The following EMP1 variants were observed in gnomAD, a reference collection of about 807,000 sequenced individuals.
EMP1 encodes epithelial membrane protein 1.
In EMP1, 5 loss-of-function variants were observed where a neutral mutation model predicts 15.7. The ratio of observed to expected loss-of-function variants is 0.32; its 90% CI spans 0.17 to 0.67. The LOEUF (loss-of-function observed/expected upper bound fraction) is 0.67, where lower values mean the gene tolerates loss of function less well. Ranked by LOEUF, EMP1 falls within the 30% of genes least tolerant of loss-of-function variation. EMP1 has a pLI of 0.74. For missense variants in EMP1, 166 were observed against 194.2 expected (o/e 0.85, Z 0.86); for synonymous variants, 78 against 76.7 (o/e 1.02, Z -0.09).
At chr12:13,206,854 G>A (rs1864114500) in intron 1 of EMP1, among the ~76,000 whole-genome samples, 1 of 152,128 alleles carries the variant, frequency 6.6e-6, no homozygotes, top group Non-Finnish European at 1.5e-5. Flanking sequence ...CCCTAAAAGT[G>A]TTAGGCTGCC....
In EMP1 at chr12:13,214,635, T is replaced by C. The variant is rs1864197260; in HGVS notation, c.418T>C (p.Cys140Arg). 1.2e-6 allele frequency: 2 copies of C among 1,613,836 alleles called. No homozygotes were observed. Among genetic ancestry groups the C allele is most frequent in the African/African-American group, 2.7e-5 (2 of 74,810 alleles). ...HGYSYILGWICFCFSFIIGVL... is the reference protein window; with the variant it reads ...HGYSYILGWIRFCFSFIIGVL... ...CTATTCCTACATCCTGGGCTGGATC[T>C]GCTTCTGCTTCAGCTTCATCATCGG... Residue 140 changes from cysteine (C) to arginine (R), a missense_variant, in exon 5 of 5, where the codon TGC becomes CGC. Cys to Arg is a radical substitution (Grantham distance 180, BLOSUM62 -3). Coordinates refer to ENST00000256951, the MANE Select transcript of EMP1 (RefSeq NM_001423.3).
chr12:13,214,059 T>C, intron 4 of EMP1: 1 of 687,486 alleles, frequency 1.5e-6, no homozygotes, highest in Non-Finnish European at 2.6e-6. Flanking sequence ...AGTGCATATC[T>C]GTTAGTAGCA....
intron 1 of EMP1, among the ~76,000 whole-genome samples, chr12:13,203,333 C>T (rs1355807208): frequency 6.6e-6 from 1 of 152,238 alleles, no homozygotes; most frequent in African/African-American, 2.4e-5. Context: ...GCCCAGGGAA[C>T]ATCGCCTGAT....
At position 13,211,543 on chromosome 12, in the gene EMP1, C is replaced by T. The variant is rs2291061; in HGVS notation, c.33C>T (p.Val11=). 2,108 of 1,612,748 alleles carry T rather than the reference C, an allele frequency of 1.3e-3. 3 individuals are homozygous for T. The highest frequency in any genetic ancestry group is 6.0e-3 in the East Asian group (271 of 44,864). ...TATTGCTGGCTGGTATCTTTGTGGT[C>T]CACATCGCTACTGTTATTATGCTAT... The part of the protein sequence containing the change: MLVLLAGIFV[V]HIATVIMLFV... The change falls in exon 2 of 5, where the codon GTC becomes GTT. Residue 11 remains valine (V), a synonymous_variant. Coordinates refer to ENST00000256951, the MANE Select transcript of EMP1 (RefSeq NM_001423.3). The surrounding 1 kb of genome is among the most constrained non-coding windows in gnomAD (Gnocchi z 4.7).
chr12:13,213,347 C>G (rs555369760), intron 2 of EMP1, 132 bp from the exon 3 acceptor site: 2 of 792,930 alleles, frequency 2.5e-6, no homozygotes, highest in Admixed American at 5.0e-5. Context: ...CACAGATAAG[C>G]TGCATAGCCA....
At position 13,219,858 on chromosome 12, in the gene EMP1, C is replaced by G. The variant is rs1312290274; in HGVS notation, c.*5167C>G. On this transcript the variant is annotated 3_prime_UTR_variant, in exon 5 of 5. Coordinates refer to ENST00000256951, the MANE Select transcript of EMP1 (RefSeq NM_001423.3). ...ATTTTTCCATACGAAAAATTCAGAA[C>G]TATTTTATTTATGATATGGGCTAAA... 6.6e-6 allele frequency: 1 copy of G among 152,136 alleles called. No homozygotes were observed. The highest frequency in any genetic ancestry group is 6.5e-5 in the Admixed American group (1 of 15,268). The allele number at this position is 152,136 out of a possible 1,614,324, so 9.4% of individuals were successfully genotyped here.
At chr12:13,199,639 A>G (rs2121141668) in intron 1 of EMP1, 1 of 152,268 alleles carries the variant, frequency 6.6e-6, no homozygotes, top group East Asian at 1.9e-4. Context: ...TCTAATTTTT[A>G]CACCATCTTG....
rs902944955 is a variant in EMP1 at position 13,217,958 on chromosome 12, T to A, written c.*3267T>A. 1.3e-5 allele frequency: 2 copies of A among 152,174 alleles called. No homozygotes were observed. Among genetic ancestry groups the A allele is most frequent in the African/African-American group, 4.8e-5 (2 of 41,432 alleles). 9.4% of individuals were successfully genotyped at this position (152,174 alleles called of 1,614,324 possible). A position where few individuals can be genotyped will look rare whatever the true frequency, so the allele number is the denominator to read the frequency against. On this transcript the variant is annotated 3_prime_UTR_variant, in exon 5 of 5. Transcript: ENST00000256951. The stretch of plus-strand genomic sequence containing the variant: ...CTGAAAGTTGCCAGAGTCCCTTTTA[T>A]AGAGAAGCTTAAAAAATATTTGTTG...
At position 13,219,674 on chromosome 12, in the gene EMP1, T is replaced by C. The variant is rs754916296; in HGVS notation, c.*4983T>C. On this transcript the variant is annotated 3_prime_UTR_variant, in exon 5 of 5. Coordinates refer to ENST00000256951, the MANE Select transcript of EMP1 (RefSeq NM_001423.3). ...AACAAAGTGAGCCCTGATTCAAAAA[T>C]GACTGTCTACACTTGGCACATGAGG... 2 of 152,166 alleles carry C rather than the reference T, an allele frequency of 1.3e-5. No individual in the cohort carries two copies. Among genetic ancestry groups the C allele is most frequent in the African/African-American group, 2.4e-5 (1 of 41,444 alleles). The allele number at this position is 152,166 out of a possible 1,614,324, so 9.4% of individuals were successfully genotyped here.
chr12:13,214,588 A>C lies in EMP1; in HGVS notation c.371A>C (p.Asp124Ala). ...SIYTSHYANRDGTQYHHGYSY... is the reference protein window; with the variant it reads ...SIYTSHYANRAGTQYHHGYSY... ...TACACTAGTCATTATGCGAATCGTG[A>C]TGGAACGCAGTATCACCACGGCTAT... The change falls in exon 5 of 5, where the codon GAT becomes GCT. Residue 124 changes from aspartate (D) to alanine (A), a missense_variant. Transcript: ENST00000256951. The C allele has an allele frequency of 6.2e-7, 1 of 1,613,886 alleles. No individual in the cohort carries two copies. The highest frequency in any genetic ancestry group is 2.2e-5 in the East Asian group (1 of 44,864).
At chr12:13,204,622 G>T (rs777467600) in intron 1 of EMP1, among the ~76,000 whole-genome samples, 6 of 152,330 alleles carry the variant, frequency 3.9e-5, no homozygotes, top group Non-Finnish European at 7.3e-5. Context: ...GGAGTTTCAG[G>T]TGTCACGCTG....
At chr12:13,205,209 A>G (rs887814142) in intron 1 of EMP1, among the ~76,000 whole-genome samples, 2 of 152,266 alleles carry the variant, frequency 1.3e-5, no homozygotes, top group African/African-American at 4.8e-5. Flanking sequence ...CTGAGATTCT[A>G]TAATTCAAAG....
At position 13,215,742 on chromosome 12, in the gene EMP1, G is replaced by A. The variant is rs755741828; in HGVS notation, c.*1051G>A. On this transcript the variant is annotated 3_prime_UTR_variant, in exon 5 of 5. Transcript: ENST00000256951. ...AGCTCTGGCTTAGACACCACCTGGA[G>A]TGATCACCTCTTGGGGACCCTGCCT... 2.6e-5 allele frequency: 4 copies of A among 153,016 alleles called. No individual in the cohort carries two copies. The highest frequency in any genetic ancestry group is 5.8e-5 in the Non-Finnish European group (4 of 68,390). The allele number at this position is 153,016 out of a possible 1,614,324, so 9.5% of individuals were successfully genotyped here. A position where few individuals can be genotyped will look rare whatever the true frequency, so the allele number is the denominator to read the frequency against.
At chr12:13,203,280 A>C (rs947848608) in intron 1 of EMP1, among the ~76,000 whole-genome samples, 22 of 152,066 alleles carry the variant, frequency 1.4e-4, no homozygotes, top group African/African-American at 4.8e-4. Flanking sequence ...CTGCCAGAAC[A>C]CTCGTTTGTC....
Position 13,211,517 on chromosome 12 carries a change from G to A in EMP1, c.7G>A (p.Val3Ile), listed in dbSNP as rs1864164388. The A allele has an allele frequency of 6.2e-7, 1 of 1,613,188 alleles. No individual in the cohort carries two copies. The highest frequency in any genetic ancestry group is 1.3e-5 in the African/African-American group (1 of 74,844). Residue 3 changes from valine to isoleucine, a missense_variant, in exon 2 of 5, where the codon GTA becomes ATA. Physicochemically the swap from Val to Ile is conservative, Grantham distance 29. Transcript: ENST00000256951. This position sits in a 1 kb window ranked among gnomAD's most constrained non-coding sequence, Gnocchi z 4.7. Reference sequence around the variant, plus strand: ...CAAAAAAAAAAGAGCCAACATGTTGGTATTGCTGGCTGGTATCTTTGTGGT... The same window carrying A: ...CAAAAAAAAAAGAGCCAACATGTTGATATTGCTGGCTGGTATCTTTGTGGT... ML[V>I]LLAGIFVVHI... is the part of the protein sequence containing the mutation.
Position 13,213,784 on chromosome 12 carries a change from C to T in EMP1, c.279C>T (p.Asn93=), listed in dbSNP as rs565284070. 1.6e-5 allele frequency: 26 copies of T among 1,614,170 alleles called. No homozygotes were observed. Among genetic ancestry groups the T allele is most frequent in the South Asian group, 1.5e-4 (14 of 91,074 alleles). The change falls in exon 4 of 5, where the codon AAC becomes AAT. Residue 93 remains asparagine, a synonymous_variant. Coordinates refer to ENST00000256951, the MANE Select transcript of EMP1 (RefSeq NM_001423.3). ...AGCTCTTCACCATGGAGAAGGGAAA[C>T]CGGTTCTTCCTCTCAGGGGCCACCA... is the stretch of plus-strand genomic sequence containing the variant. The part of the protein sequence containing the change: ...VFQLFTMEKG[N]RFFLSGATTL...
In EMP1 at chr12:13,217,928, C is replaced by T. The variant is rs1286170001; in HGVS notation, c.*3237C>T. On this transcript the variant is annotated 3_prime_UTR_variant, in exon 5 of 5. Coordinates refer to ENST00000256951, the MANE Select transcript of EMP1 (RefSeq NM_001423.3). Reference sequence around the variant, plus strand: ...CCAGCAGAGAGCTGGTGCTACAGTGCGGGTCTGAAAGTTGCCAGAGTCCCT... The same window carrying T: ...CCAGCAGAGAGCTGGTGCTACAGTGTGGGTCTGAAAGTTGCCAGAGTCCCT... The T allele has an allele frequency of 6.6e-6, 1 of 152,114 alleles. No individual in the cohort carries two copies. Among genetic ancestry groups the T allele is most frequent in the Non-Finnish European group, 1.5e-5 (1 of 68,022 alleles). 9.4% of individuals were successfully genotyped at this position (152,114 alleles called of 1,614,324 possible).
At chr12:13,213,310 C>T in intron 2 of EMP1, 169 bp from the exon 3 acceptor site, 1 of 645,844 alleles carries the variant, frequency 1.5e-6, no homozygotes, top group South Asian at 2.0e-5. Context: ...TTGTGAACTT[C>T]AGTTTTAATC....
intron 1 of EMP1, among the ~76,000 whole-genome samples, chr12:13,203,594 G>GC (rs1280641795): frequency 2.6e-5 from 4 of 152,208 alleles, no homozygotes; most frequent in African/African-American, 9.6e-5. Flanking sequence ...CATTTCCCCG[G>GC]CCCGAGCCTC....
Sources: allele counts gnomAD v4.1 joint callset (sites outside exome capture counted in the v4.1 genomes callset), GRCh38; gene constraint gnomAD v4.1.1; non-coding constraint Gnocchi (gnomAD v3.1); transcripts MANE v1.5; gene names NCBI Gene and HGNC (gene_info 2026-07-23, HGNC 2026-07-21).